RAD18: variants seen among roughly 807,000 people sequenced by gnomAD.
RAD18 encodes the protein E3 ubiquitin-protein ligase RAD18.
RAD18 carries 47 observed loss-of-function variants against 60.4 expected under a neutral mutation model. That is an observed-to-expected ratio of 0.78 (90% CI 0.62 to 0.99). The LOEUF (loss-of-function observed/expected upper bound fraction) is 0.99. Ranked by LOEUF, RAD18 falls within the 50% of genes least tolerant of loss-of-function variation. RAD18 has a pLI of 0.00. For missense variants in RAD18, 640 were observed against 593.3 expected (o/e 1.08, Z -0.82); for synonymous variants, 225 against 195.5 (o/e 1.15, Z -1.26).
At chr3:8,908,848 TC>T (rs1280475129) in intron 9 of RAD18, among the ~76,000 whole-genome samples, 1 of 152,244 alleles carries the variant, frequency 6.6e-6, no homozygotes, top group Non-Finnish European at 1.5e-5. Context: ...TTCTTGTCTG[TC>T]TTGTTCATTC....
rs564233911 is a variant in RAD18 at position 8,936,264 on chromosome 3, G to A, written c.705-209C>T. 8.5e-5 allele frequency among the ~76,000 whole-genome samples: 13 copies of A among 152,326 alleles called. No individual in the cohort carries two copies. In the East Asian group the frequency reaches 1.4e-3, roughly 16 times the overall value. The stretch of plus-strand genomic sequence containing the variant: ...GGTGCTGGTAAGACATTCAGACACA[G>A]GGGCCTAGGTGGCACCAGAAGTGAG... On this transcript the variant is annotated intron_variant, in intron 6 of 12. Transcript: ENST00000264926.
At chr3:8,886,754 T>G (rs1460423434) in intron 12 of RAD18, among the ~76,000 whole-genome samples, 1 of 152,042 alleles carries the variant, frequency 6.6e-6, no homozygotes, top group African/African-American at 2.4e-5. Context: ...AAAGGGCAAT[T>G]TGGACAGAAG....
intron 7 of RAD18, among the ~76,000 whole-genome samples, chr3:8,917,662 A>G (rs1940230568): frequency 6.6e-6 from 1 of 150,980 alleles, no homozygotes; most frequent in Admixed American, 6.7e-5. Flanking sequence ...AGACAATAAT[A>G]GAAATAAAAT....
At position 8,882,020 on chromosome 3, in the gene RAD18, T is replaced by C. The variant is rs540192695; in HGVS notation, c.1386-561A>G. Among the ~76,000 whole-genome samples the C allele has an allele frequency of 7.9e-5, 12 of 151,928 alleles. 1 individual carries two copies. In the East Asian group the frequency reaches 2.3e-3, roughly 29 times the overall value. ...TTGCAGGCCCCTGACACAAGGAGAG[T>C]CTGCACACACTTGCCAGCTCTTTTC... is the stretch of plus-strand genomic sequence containing the variant. On this transcript the variant is annotated intron_variant, in intron 12 of 12. Coordinates refer to ENST00000264926, the MANE Select transcript of RAD18 (RefSeq NM_020165.4).
chr3:8,941,376 T>C, intron 5 of RAD18, 91 bp downstream of exon 5: 1 of 1,166,246 alleles, frequency 8.6e-7, no homozygotes. Flanking sequence ...TCCTTTACCA[T>C]TCCTTCCCCC....
In RAD18 at chr3:8,881,387, A is replaced by G; in HGVS notation, c.1458T>C (p.Ile486=). Residue 486 remains isoleucine, a synonymous_variant, in exon 13 of 13, where the codon ATT becomes ATC. Transcript: ENST00000264926. ...TCCTATTACGCTTGTTTCTTGGTTC[A>G]ATCTCAGCACTTTCAGCGGCTCTTG... The part of the protein sequence containing the change: ...RRTRAAESAE[I]EPRNKRNRN The G allele has an allele frequency of 6.2e-7, 1 of 1,611,834 alleles. No homozygotes were observed. The highest frequency in any genetic ancestry group is 1.7e-5 in the Admixed American group (1 of 60,004).
intron 7 of RAD18, 42 bp downstream of exon 7, chr3:8,935,829 T>C (rs1340072284): frequency 2.8e-6 from 4 of 1,435,824 alleles, no homozygotes; most frequent in Non-Finnish European, 3.7e-6. Context: ...CAAAATTGCT[T>C]TATCCAGAAA....
intron 12 of RAD18, among the ~76,000 whole-genome samples, chr3:8,884,494 C>A (rs749464727): frequency 6.6e-6 from 1 of 152,004 alleles, no homozygotes; most frequent in Non-Finnish European, 1.5e-5. Context: ...GTTTTATCAT[C>A]TTTACTTATT....
chr3:8,943,846 C>A (rs2124832597), intron 4 of RAD18, among the ~76,000 whole-genome samples: 1 of 152,146 alleles, frequency 6.6e-6, no homozygotes, highest in East Asian at 1.9e-4. Context: ...CAAAACTGTC[C>A]CTGGAGGGAA....
chr3:8,960,986 G>T (rs1416107097), intron 1 of RAD18, among the ~76,000 whole-genome samples: 3 of 152,146 alleles, frequency 2.0e-5, no homozygotes, highest in African/African-American at 7.2e-5. Flanking sequence ...CCATTATTGT[G>T]GATGGTAAGC....
chr3:8,916,473 A>G (rs1260175431), intron 7 of RAD18, among the ~76,000 whole-genome samples: 1 of 152,148 alleles, frequency 6.6e-6, no homozygotes, highest in East Asian at 1.9e-4. Context: ...ATATAGCTAC[A>G]TTTTAAAAAA....
At chr3:8,884,482 A>G (rs935816262) in intron 12 of RAD18, among the ~76,000 whole-genome samples, 1 of 151,668 alleles carries the variant, frequency 6.6e-6, no homozygotes, top group Non-Finnish European at 1.5e-5. Flanking sequence ...TTTTATCTTA[A>G]TGTTTTATCA....
At chr3:8,942,087 G>A (rs1940757607) in intron 4 of RAD18, among the ~76,000 whole-genome samples, 1 of 152,060 alleles carries the variant, frequency 6.6e-6, no homozygotes, top group Non-Finnish European at 1.5e-5. Flanking sequence ...TTTAAAATCC[G>A]AACAAAATAT....
At chr3:8,953,099 T>C (rs140761818) in intron 2 of RAD18, among the ~76,000 whole-genome samples, 16 of 151,800 alleles carry the variant, frequency 1.1e-4, no homozygotes, top group African/African-American at 2.9e-4. Context: ...GGACTGACTA[T>C]ATCTATAAAC....
At chr3:8,940,347 G>T (rs1173095830) in intron 5 of RAD18, among the ~76,000 whole-genome samples, 1 of 151,940 alleles carries the variant, frequency 6.6e-6, no homozygotes, top group Non-Finnish European at 1.5e-5. Context: ...TGGGAAAAAA[G>T]GTTCCGCTAG....
rs1274717716 is a variant in RAD18, at chr3:8,908,546, C to G, written c.1027+3766G>C. 9.9e-5 allele frequency among the ~76,000 whole-genome samples: 15 copies of G among 152,144 alleles called. 1 individual carries two copies. The East Asian group carries it at 2.7e-3, about 27-fold the overall frequency. On this transcript the variant is annotated intron_variant, in intron 9 of 12. Transcript: ENST00000264926. The stretch of plus-strand genomic sequence containing the variant: ...CATGGCCCTGAGAAGCTCGGGACAC[C>G]TTGATCTTAGACTTCTAGCCTCCAG...
intron 7 of RAD18, among the ~76,000 whole-genome samples, chr3:8,918,088 C>A (rs756828622): frequency 3.9e-5 from 6 of 151,986 alleles, no homozygotes; most frequent in Admixed American, 6.5e-5. Context: ...GAGGCCGAGG[C>A]GAGTGGATCA....
chr3:8,909,964 A>G (rs1940079136), intron 9 of RAD18, among the ~76,000 whole-genome samples: 1 of 152,224 alleles, frequency 6.6e-6, no homozygotes, highest in Admixed American at 6.5e-5. Context: ...GTTTCCTGGC[A>G]AATGTATTCT....
chr3:8,898,988 G>A lies in RAD18; in HGVS notation c.1228C>T (p.Pro410Ser), dbSNP rs572736981. The change falls in exon 11 of 13, where the codon CCA becomes TCA. Residue 410 changes from proline to serine, a missense_variant. By Grantham distance (74) the Pro-to-Ser change is moderately conservative. Coordinates refer to ENST00000264926, the MANE Select transcript of RAD18 (RefSeq NM_020165.4). ...NHFSQSKLDS[P>S]EELEPDREED... is the part of the protein sequence containing the mutation. ...TCTCTGTCAGGTTCCAATTCCTCTGGGGAGTCCAGCTTTGATTGAGAAAAG... is the reference window on the plus strand; with the variant it reads ...TCTCTGTCAGGTTCCAATTCCTCTGAGGAGTCCAGCTTTGATTGAGAAAAG... The A allele has an allele frequency of 6.2e-7, 1 of 1,609,508 alleles. No homozygotes were observed. The highest frequency in any genetic ancestry group is 8.5e-7 in the Non-Finnish European group (1 of 1,177,188).
Sources: allele counts gnomAD v4.1 joint callset (sites outside exome capture counted in the v4.1 genomes callset), GRCh38; gene constraint gnomAD v4.1.1; transcripts MANE v1.5; gene names NCBI Gene and HGNC (gene_info 2026-07-23, HGNC 2026-07-21).